The following CAMK1D variants were observed in gnomAD, a reference collection of about 807,000 sequenced individuals.
CAMK1D encodes calcium/calmodulin dependent protein kinase ID.
Under a neutral mutation model 47.7 loss-of-function variants are expected in CAMK1D, and 9 were observed. That is an observed-to-expected ratio of 0.19 (90% confidence interval 0.11 to 0.33). The LOEUF (loss-of-function observed/expected upper bound fraction) is 0.33. Among genes scored for constraint, CAMK1D ranks in the 10% least tolerant of loss-of-function variants. The probability of loss-of-function intolerance (pLI) is 1.00; values close to 1 mark genes in which losing one functional copy is unlikely to be tolerated. For synonymous variants in CAMK1D, 184 were observed against 184.9 expected, an observed-to-expected ratio of 0.99 and a Z score of 0.04; for missense variants, 291 against 488.7, an observed-to-expected ratio of 0.60 and a Z score of 3.81.
At chr10:12,705,413 G>A (rs978544130) in intron 3 of CAMK1D, among the ~76,000 whole-genome samples, 2 of 151,910 alleles carry the variant, frequency 1.3e-5, no homozygotes, top group African/African-American at 2.4e-5. Context: ...GTGAGCCGAG[G>A]TTGTACCACT....
intron 1 of CAMK1D, among the ~76,000 whole-genome samples, chr10:12,507,579 T>C (rs1834914036): frequency 6.6e-6 from 1 of 152,172 alleles, no homozygotes; most frequent in Admixed American, 6.6e-5. Context: ...CCAGCAACTG[T>C]GTGCCTCTGT....
At chr10:12,816,841 C>G (rs1832815624) in intron 8 of CAMK1D, among the ~76,000 whole-genome samples, 1 of 140,696 alleles carries the variant, frequency 7.1e-6, no homozygotes, top group Non-Finnish European at 1.5e-5. Context: ...CATTGCACTC[C>G]AGCTTGGGCA....
intron 3 of CAMK1D, among the ~76,000 whole-genome samples, chr10:12,693,321 C>T (rs1833006544): frequency 6.6e-6 from 1 of 151,984 alleles, no homozygotes; most frequent in Non-Finnish European, 1.5e-5. Flanking sequence ...GCTGAGATTG[C>T]ACCACTGCAC....
intron 3 of CAMK1D, among the ~76,000 whole-genome samples, chr10:12,676,874 T>C (rs990154248): frequency 6.6e-6 from 1 of 152,226 alleles, no homozygotes; most frequent in Non-Finnish European, 1.5e-5. Context: ...GAGTAAAGTT[T>C]ACTCAGCAGT....
intron 10 of CAMK1D, among the ~76,000 whole-genome samples, chr10:12,827,468 G>GTCTTTCTT (rs1294410746): frequency 0.026 from 98 of 3,776 alleles, 27 homozygotes; most frequent in Non-Finnish European, 0.062. Flanking sequence ...TTCTTTGTCT[G>GTCTTTCTT]TCTGTCTTTC....
In CAMK1D at chr10:12,775,088, T is replaced by C. The variant is rs1231357964; in HGVS notation, c.565+5289T>C. On this transcript the variant is annotated intron_variant, in intron 5 of 10. Coordinates refer to ENST00000619168, the MANE Select transcript of CAMK1D (RefSeq NM_153498.4). ...GTGAGACTGTGAGAAGGCTCAGGCA[T>C]TGATCAGGTGAGACTGTGAGAAGGC... Among the ~76,000 whole-genome samples, 283 of 95,596 alleles carry C rather than the reference T, an allele frequency of 3.0e-3. 1 individual carries two copies. The highest frequency in any genetic ancestry group is 0.012 in the African/African-American group (269 of 22,966). 62.7% of individuals were successfully genotyped at this position (95,596 alleles called of 152,430 possible).
chr10:12,803,991 A>G (rs1354814151), intron 6 of CAMK1D, among the ~76,000 whole-genome samples: 4 of 152,184 alleles, frequency 2.6e-5, no homozygotes, highest in Admixed American at 1.3e-4. Context: ...GGAGCTCCGC[A>G]GCAAGGAAGT....
At chr10:12,526,913 A>AAAAAAG (rs1466149446) in intron 1 of CAMK1D, among the ~76,000 whole-genome samples, 2 of 151,008 alleles carry the variant, frequency 1.3e-5, no homozygotes, top group African/African-American at 2.4e-5. Context: ...AAAAAAAAAA[A>AAAAAAG]TCAGAACCTT....
chr10:12,480,946 C>T (rs1407918562), intron 1 of CAMK1D, among the ~76,000 whole-genome samples: 1 of 152,228 alleles, frequency 6.6e-6, no homozygotes. Context: ...TGCCCTTAAC[C>T]TCCAACAGCC....
intron 1 of CAMK1D, among the ~76,000 whole-genome samples, chr10:12,411,998 C>T (rs1839674165): frequency 6.6e-6 from 1 of 152,214 alleles, no homozygotes; most frequent in Non-Finnish European, 1.5e-5. Flanking sequence ...GATGTCTTTA[C>T]ACCAGTCTTG....
intron 5 of CAMK1D, among the ~76,000 whole-genome samples, chr10:12,771,264 C>CT (rs1444125701): frequency 6.6e-6 from 1 of 152,190 alleles, no homozygotes; most frequent in African/African-American, 2.4e-5. Context: ...GTGCGGTGAC[C>CT]TTTCTTCATG....
chr10:12,701,791 G>C (rs12781858), intron 3 of CAMK1D, among the ~76,000 whole-genome samples: 6 of 152,182 alleles, frequency 3.9e-5, no homozygotes, highest in Non-Finnish European at 8.8e-5. Context: ...CCAGATCTTA[G>C]GGGCTGAACG....
Position 12,484,495 on chromosome 10 carries a change from C to A in CAMK1D, c.93-68730C>A, listed in dbSNP as rs1465431425. On this transcript the variant is annotated intron_variant, in intron 1 of 10. Coordinates refer to ENST00000619168, the MANE Select transcript of CAMK1D (RefSeq NM_153498.4). The stretch of plus-strand genomic sequence containing the variant: ...ATCGGAGATGGAGAGCTGTCATTAT[C>A]CTCCTTAATTATAGGAGAGAGCAGA... Among the ~76,000 whole-genome samples, 4 of 152,212 alleles carry A rather than the reference C, an allele frequency of 2.6e-5. No individual in the cohort carries two copies. In the South Asian group the frequency reaches 6.2e-4, roughly 24 times the overall value.
At chr10:12,570,680 C>CAAAAAAAAA (rs35160242) in intron 2 of CAMK1D, among the ~76,000 whole-genome samples, 2 of 84,574 alleles carry the variant, frequency 2.4e-5, no homozygotes, top group African/African-American at 4.0e-5. Flanking sequence ...AACTCCATCT[C>CAAAAAAAAA]AAAAAAAAAA....
chr10:12,796,263 G>T (rs966237198), intron 6 of CAMK1D, among the ~76,000 whole-genome samples: 1 of 152,116 alleles, frequency 6.6e-6, no homozygotes, highest in Non-Finnish European at 1.5e-5. Context: ...AGGCTGGACG[G>T]GTGGGCTGAA....
chr10:12,740,985 G>C (rs1482225048), intron 3 of CAMK1D, among the ~76,000 whole-genome samples: 1 of 152,158 alleles, frequency 6.6e-6, no homozygotes, highest in Admixed American at 6.5e-5. Context: ...ATAATTGGTG[G>C]TTCCTGGACT....
intron 2 of CAMK1D, among the ~76,000 whole-genome samples, chr10:12,611,623 ACT>A (rs1453304865): frequency 2.0e-5 from 1 of 49,792 alleles, no homozygotes; most frequent in Admixed American, 3.5e-4. Flanking sequence ...ACAGAGTCTT[ACT>A]CTGTCTCCCA....
At chr10:12,455,008 G>A (rs1833200232) in intron 1 of CAMK1D, among the ~76,000 whole-genome samples, 1 of 152,196 alleles carries the variant, frequency 6.6e-6, no homozygotes, top group South Asian at 2.1e-4. Flanking sequence ...TGGTGGTTCT[G>A]TCATCAGGAG....
Position 12,702,445 on chromosome 10 carries a change from G to A in CAMK1D, c.299+35635G>A, listed in dbSNP as rs530108234. On this transcript the variant is annotated intron_variant, in intron 3 of 10. Coordinates refer to ENST00000619168, the MANE Select transcript of CAMK1D (RefSeq NM_153498.4). ...ACACTCTTGAGAGCTACTTGAAGAC[G>A]GGCTCCATCTGTGCCTCTTGAAACA... is the stretch of plus-strand genomic sequence containing the variant. Among the ~76,000 whole-genome samples, 4 of 152,176 alleles carry A rather than the reference G, an allele frequency of 2.6e-5. No individual in the cohort carries two copies. In the East Asian group the frequency reaches 5.8e-4, roughly 22 times the overall value.
Sources: gnomAD v4.1 joint callset for allele counts (sites outside exome capture counted in the v4.1 genomes callset) on GRCh38, gnomAD v4.1.1 for gene constraint, MANE v1.5 for transcripts, NCBI Gene and HGNC (gene_info 2026-07-23, HGNC 2026-07-21) for gene names.